The following BAZ2A variants were observed in gnomAD, a reference collection of about 807,000 sequenced individuals.
The protein encoded by BAZ2A is bromodomain adjacent to zinc finger domain protein 2A.
In BAZ2A, 34 loss-of-function variants were observed where a neutral mutation model predicts 199.9. The ratio of observed to expected loss-of-function variants is 0.17; its 90% confidence interval spans 0.13 to 0.23. BAZ2A has a LOEUF of 0.23. Ranked by LOEUF, BAZ2A falls within the 10% of genes least tolerant of loss-of-function variation. The probability of loss-of-function intolerance (pLI) is 1.00; values close to 1 mark genes in which losing one functional copy is unlikely to be tolerated. For synonymous variants in BAZ2A, 857 were observed against 883.9 expected (o/e 0.97, Z 0.54); for missense variants, 2,002 against 2,391.1 (o/e 0.84, Z 3.39).
chr12:56,633,473 G>T (rs1381067957), upstream of BAZ2A, among the ~76,000 whole-genome samples: 3 of 152,184 alleles, frequency 2.0e-5, no homozygotes, highest in Non-Finnish European at 4.4e-5. Flanking sequence ...GGCGCAGCTG[G>T]ACTGGGGGTG....
At chr12:56,633,325 C>T (rs1299151288), upstream of BAZ2A, among the ~76,000 whole-genome samples, 1 of 152,122 alleles carries the variant, frequency 6.6e-6, no homozygotes, top group African/African-American at 2.4e-5. Context: ...GCATCCAACC[C>T]CAAACACCAC....
upstream of BAZ2A, chr12:56,630,333 G>A (rs891728921): frequency 9.3e-6 from 9 of 971,396 alleles, no homozygotes; most frequent in African/African-American, 5.3e-5. Context: ...GAGTGAGTCG[G>A]AGCCGGAGGG....
chr12:56,626,800 C>T (rs1347632874), intron 1 of BAZ2A, among the ~76,000 whole-genome samples: 1 of 152,218 alleles, frequency 6.6e-6, no homozygotes, highest in East Asian at 1.9e-4. Flanking sequence ...GGAAAATCAA[C>T]TTGCTGTTCT....
At chr12:56,612,968 C>A (rs1191973019) in intron 5 of BAZ2A, 47 bp downstream of exon 5, 3 of 1,548,336 alleles carry the variant, frequency 1.9e-6, no homozygotes, top group South Asian at 1.1e-5. Context: ...ATTCTCTCAT[C>A]TTTTCTCAGG....
At chr12:56,606,500 A>C in intron 11 of BAZ2A, 133 bp downstream of exon 11, 1 of 1,199,776 alleles carries the variant, frequency 8.3e-7, no homozygotes, top group Admixed American at 1.8e-5. Context: ...TCTCTAAATC[A>C]AGTGCAAGAA....
intron 7 of BAZ2A, 69 bp from the exon 8 acceptor site, chr12:56,610,586 G>C (rs921248608): frequency 4.2e-6 from 6 of 1,414,892 alleles, no homozygotes; most frequent in Non-Finnish European, 5.9e-6. Context: ...ACCTAAGCGC[G>C]AAGCCCTCTG....
Position 56,597,223 on chromosome 12 carries a change from C to T in BAZ2A, c.*1395G>A, listed in dbSNP as rs1409562222. ...TCCCTACTCTCCTGTGCTCCAGGGT[C>T]TCTGCTGCTGGGGAAGGGGTCCTGG... On this transcript the variant is annotated 3_prime_UTR_variant, in exon 29 of 29. Coordinates refer to ENST00000549884, the MANE Select transcript of BAZ2A (RefSeq NM_001300905.2). 1.3e-5 allele frequency: 2 copies of T among 152,658 alleles called. No individual in the cohort carries two copies. The allele number at this position is 152,658 out of a possible 1,614,324, so 9.5% of individuals were successfully genotyped here.
In BAZ2A at chr12:56,606,328, G is replaced by A. The variant is rs1592572237; in HGVS notation, c.2194-16C>T. 1 of 1,613,778 alleles carries A rather than the reference G, an allele frequency of 6.2e-7. No homozygotes were observed. Among genetic ancestry groups the A allele is most frequent in the South Asian group, 1.1e-5 (1 of 91,074 alleles). ...TATTTCTGGCCTGTAAACCATAAGG[G>A]AAGTCATTTCTCCTCAAACTCTGAA... On this transcript the variant is annotated splice_polypyrimidine_tract_variant and intron_variant, in intron 11 of 28. Coordinates refer to ENST00000549884, the MANE Select transcript of BAZ2A (RefSeq NM_001300905.2).
Position 56,596,691 on chromosome 12 carries a change from C to CAGTT in BAZ2A, c.*1923_*1926dup, listed in dbSNP as rs1378179366. 5.2e-5 allele frequency: 8 copies of CAGTT among 152,498 alleles called. No individual in the cohort carries two copies. The highest frequency in any genetic ancestry group is 1.7e-4 in the African/African-American group (7 of 41,386). 9.4% of individuals were successfully genotyped at this position (152,498 alleles called of 1,614,324 possible). ...GTCTAACACAAAGTTTGTTACAGCG[C>CAGTT]AGTTATTTAGATAAAATATAAATAT... On this transcript the variant is annotated 3_prime_UTR_variant, in exon 29 of 29. Transcript: ENST00000549884.
chr12:56,636,132 A>G (rs1352979156), intron 1 of BAZ2A: 1 of 1,553,392 alleles, frequency 6.4e-7, no homozygotes, highest in South Asian at 1.2e-5. Flanking sequence ...TCAGCCAGGG[A>G]GGGAGTAGGC....
chr12:56,622,857 G>C (rs74095030), intron 1 of BAZ2A, among the ~76,000 whole-genome samples: 1 of 152,218 alleles, frequency 6.6e-6, no homozygotes, highest in African/African-American at 2.4e-5. Flanking sequence ...AAGCAATAAA[G>C]CCCTCCCCAC....
In BAZ2A at chr12:56,601,164, C is replaced by T. The variant is rs1355371627; in HGVS notation, c.4294+16G>A. ...GCACTGCCCACACCGGATGCCCTCA[C>T]TCCAAGGTCACTCACCAGGTGGGAC... is the stretch of plus-strand genomic sequence containing the variant. On this transcript the variant is annotated intron_variant, in intron 21 of 28. Coordinates refer to ENST00000549884, the MANE Select transcript of BAZ2A (RefSeq NM_001300905.2). The T allele has an allele frequency of 6.8e-6, 11 of 1,613,926 alleles. No homozygotes were observed. Among genetic ancestry groups the T allele is most frequent in the Non-Finnish European group, 7.6e-6 (9 of 1,179,896 alleles).
rs1309869730 is a variant in BAZ2A, at chr12:56,600,768, T to C, written c.4515A>G (p.Lys1505=). ...CTAGGTCTGTCTCGTATGTCTTCTC[T>C]TTGGGGGACCAGCTCATAATCCCTT... The part of the protein sequence containing the change: ...FQEGIMSWSP[K]EKTYETDLAV... The change falls in exon 23 of 29, where the codon AAA becomes AAG. Residue 1505 remains lysine, a synonymous_variant. Transcript: ENST00000549884. 6.2e-7 allele frequency: 1 copy of C among 1,613,872 alleles called. No individual in the cohort carries two copies. The highest frequency in any genetic ancestry group is 1.7e-5 in the Admixed American group (1 of 60,006).
At position 56,609,846 on chromosome 12, in the gene BAZ2A, G is replaced by C. The variant is rs1159257977; in HGVS notation, c.1982C>G (p.Thr661Ser). Residue 661 changes from threonine (T) to serine (S), a missense_variant, in exon 10 of 29, where the codon ACT (threonine) becomes AGT (serine). Physicochemically the swap from Thr to Ser is moderately conservative, Grantham distance 58 (BLOSUM62 1). Transcript: ENST00000549884. ...CCGTTTCACCTTGGGGACTTCCTTA[G>C]TCTTAGCCTTCTCAGTGTTTCGAGG... ...GRPRNTEKAK[T>S]KEVPKVKRGR... 1 of 1,613,834 alleles carries C rather than the reference G, an allele frequency of 6.2e-7. No homozygotes were observed. Among genetic ancestry groups the C allele is most frequent in the South Asian group, 1.1e-5 (1 of 91,026 alleles).
At chr12:56,607,804 G>A (rs1037987123) in intron 10 of BAZ2A, among the ~76,000 whole-genome samples, 3 of 152,146 alleles carry the variant, frequency 2.0e-5, no homozygotes, top group Non-Finnish European at 4.4e-5. Flanking sequence ...GACTTAGCTG[G>A]GTGCAGTGGC....
chr12:56,630,296 G>A lies in BAZ2A; in HGVS notation c.-174C>T, dbSNP rs557499435. ...GACGCGGCTCAACCGCGGGGCCCGAGAGGAGCCAACATGGCCGGCGGGGGA... is the reference window on the plus strand; with the variant it reads ...GACGCGGCTCAACCGCGGGGCCCGAAAGGAGCCAACATGGCCGGCGGGGGA... On this transcript the variant is annotated 5_prime_UTR_variant, in exon 1 of 29. Transcript: ENST00000549884. 54 of 984,988 alleles carry A rather than the reference G, an allele frequency of 5.5e-5. 1 individual carries two copies. In the Admixed American group the frequency reaches 2.6e-3, roughly 47 times the overall value. The allele number at this position is 984,988 out of a possible 1,614,324, so 61.0% of individuals were successfully genotyped here.
chr12:56,613,318 T>G, intron 4 of BAZ2A, 85 bp from the exon 5 acceptor site: 1 of 1,335,494 alleles, frequency 7.5e-7, no homozygotes. Context: ...TCAGAAAACA[T>G]CCAATTCTAG....
intron 5 of BAZ2A, among the ~76,000 whole-genome samples, 177 bp downstream of exon 5, chr12:56,612,838 T>C (rs1367681187): frequency 6.6e-6 from 1 of 152,178 alleles, no homozygotes; most frequent in Non-Finnish European, 1.5e-5. Context: ...GGCCAGGTGG[T>C]CTCAAACTCC....
upstream of BAZ2A, among the ~76,000 whole-genome samples, chr12:56,633,706 C>T (rs191318360): frequency 1.3e-5 from 2 of 151,526 alleles, no homozygotes; most frequent in African/African-American, 2.4e-5. Flanking sequence ...AAGGAAAACA[C>T]CCCTCCCCTT....
Sources: gnomAD v4.1 joint callset for allele counts (sites outside exome capture counted in the v4.1 genomes callset) on GRCh38, gnomAD v4.1.1 for gene constraint, MANE v1.5 for transcripts, NCBI Gene and HGNC (gene_info 2026-07-23, HGNC 2026-07-21) for gene names.